Variants in SCN3A observed in about 807,000 individuals in gnomAD.
SCN3A encodes the protein sodium channel protein type 3 subunit alpha.
SCN3A carries 60 observed loss-of-function variants against 187.6 expected under a neutral mutation model. The ratio of observed to expected loss-of-function variants is 0.32; its 90% CI spans 0.26 to 0.40. The LOEUF (loss-of-function observed/expected upper bound fraction) is 0.40, where lower values mean the gene tolerates loss of function less well. Ranked by LOEUF, SCN3A falls within the 10% of genes least tolerant of loss-of-function variation. The pLI is 1.00. For missense variants in SCN3A, 1,601 were observed against 2,428.2 expected (o/e 0.66, Z 7.16); for synonymous variants, 788 against 829.2 (o/e 0.95, Z 0.85).
intron 11 of SCN3A, among the ~76,000 whole-genome samples, chr2:165,147,715 T>C (rs1688440572): frequency 2.0e-5 from 3 of 152,176 alleles, no homozygotes; most frequent in Admixed American, 2.0e-4. Flanking sequence ...TAGCATTACA[T>C]AAATTCATTC....
rs1691265842 is a variant in SCN3A at position 165,186,719 on chromosome 2, T to G, written c.-219A>C. On this transcript the variant is annotated 5_prime_UTR_variant, in exon 2 of 28. Coordinates refer to ENST00000283254, the MANE Select transcript of SCN3A (RefSeq NM_006922.4). ...CATCCCTGTCAAACCTTGATGTGGC[T>G]TGGCTTCAGTTTTCTTGCTCCATAA... 6.6e-6 allele frequency: 1 copy of G among 152,204 alleles called. No individual in the cohort carries two copies. Among genetic ancestry groups the G allele is most frequent in the African/African-American group, 2.4e-5 (1 of 41,452 alleles). The allele number at this position is 152,204 out of a possible 1,614,324, so 9.4% of individuals were successfully genotyped here.
At chr2:165,146,062 A>G (rs1688301578) in intron 12 of SCN3A, among the ~76,000 whole-genome samples, 1 of 152,124 alleles carries the variant, frequency 6.6e-6, no homozygotes, top group African/African-American at 2.4e-5. Context: ...ATCAGAGCAA[A>G]AATAGACTAC....
chr2:165,096,382 T>C, intron 24 of SCN3A, 85 bp downstream of exon 24: 7 of 1,005,174 alleles, frequency 7.0e-6, no homozygotes, highest in Non-Finnish European at 1.1e-5. Context: ...TAATATAGAA[T>C]TTTGGATGTA....
chr2:165,087,591 T>C lies in SCN3A; in HGVS notation c.*2559A>G, dbSNP rs987327575. Reference sequence around the variant, plus strand: ...TACATATTTAGATCCAAATTGTCTTTAAAAATATGCATTACAACTGGAGTT... The same window carrying C: ...TACATATTTAGATCCAAATTGTCTTCAAAAATATGCATTACAACTGGAGTT... On this transcript the variant is annotated 3_prime_UTR_variant, in exon 28 of 28. Coordinates refer to ENST00000283254, the MANE Select transcript of SCN3A (RefSeq NM_006922.4). 2.0e-5 allele frequency: 3 copies of C among 152,148 alleles called. No individual in the cohort carries two copies. Among genetic ancestry groups the C allele is most frequent in the Non-Finnish European group, 4.4e-5 (3 of 68,014 alleles). The allele number at this position is 152,148 out of a possible 1,614,324, so 9.4% of individuals were successfully genotyped here.
At chr2:165,125,519 G>A (rs1021584687) in intron 18 of SCN3A, among the ~76,000 whole-genome samples, 6 of 151,882 alleles carry the variant, frequency 4.0e-5, no homozygotes, top group East Asian at 1.9e-4. Flanking sequence ...GGGTTTCACC[G>A]TACTAGCTAG....
chr2:165,139,526 C>G lies in SCN3A; in HGVS notation c.2102G>C (p.Gly701Ala). The G allele has an allele frequency of 6.2e-7, 1 of 1,613,960 alleles. No homozygotes were observed. The change falls in exon 14 of 28, where the codon GGA becomes GCA. Residue 701 changes from glycine to alanine, a missense_variant. Gly to Ala is a moderately conservative substitution (Grantham distance 60). This residue lies in a region of SCN3A where 376 missense variants were observed against 476.0 expected (regional missense o/e 0.79). Coordinates refer to ENST00000283254, the MANE Select transcript of SCN3A (RefSeq NM_006922.4). ...ISMEMLEDSSGRQRAVSIASI... is the reference protein window; with the variant it reads ...ISMEMLEDSSARQRAVSIASI... Reference sequence around the variant, plus strand: ...GGCTATGCTCACGGCTCTTTGCCTTCCAGAGGAATCCTCCAGCATCTCCAT... The same window carrying G: ...GGCTATGCTCACGGCTCTTTGCCTTGCAGAGGAATCCTCCAGCATCTCCAT...
intron 9 of SCN3A, among the ~76,000 whole-genome samples, chr2:165,157,994 G>A (rs139059610): frequency 2.2e-4 from 34 of 152,020 alleles, no homozygotes; most frequent in African/African-American, 7.0e-4. Context: ...AATTTCTGCC[G>A]CAGTCCTAGA....
chr2:165,133,176 T>C (rs1316658849), intron 15 of SCN3A, among the ~76,000 whole-genome samples: 1 of 152,138 alleles, frequency 6.6e-6, no homozygotes, highest in Non-Finnish European at 1.5e-5. Flanking sequence ...ACTTTTACAC[T>C]GTTTGTGGGA....
intron 9 of SCN3A, among the ~76,000 whole-genome samples, chr2:165,159,113 C>T (rs575341548): frequency 7.3e-6 from 1 of 137,920 alleles, no homozygotes. Context: ...GTTGGTATTG[C>T]CAGATACATT....
chr2:165,135,647 A>G (rs1687621834), intron 15 of SCN3A, among the ~76,000 whole-genome samples: 2 of 152,102 alleles, frequency 1.3e-5, no homozygotes, highest in African/African-American at 4.8e-5. Flanking sequence ...CATATGTATT[A>G]CTTTCATATG....
In SCN3A at chr2:165,092,613, C is replaced by A. The variant is rs180993842; in HGVS notation, c.4537-89G>T. 8.1e-6 allele frequency: 10 copies of A among 1,239,312 alleles called. No individual in the cohort carries two copies. Among genetic ancestry groups the A allele is most frequent in the African/African-American group, 3.0e-5 (2 of 66,528 alleles). The allele number at this position is 1,239,312 out of a possible 1,614,324, so 76.8% of individuals were successfully genotyped here. On this transcript the variant is annotated intron_variant, in intron 26 of 27. Coordinates refer to ENST00000283254, the MANE Select transcript of SCN3A (RefSeq NM_006922.4). This position sits in a 1 kb window ranked among gnomAD's most constrained non-coding sequence, Gnocchi z 4.2. ...ATTGTAGATAAAGCCCTTCCACATACGGGATGGATGTGCACCCTCCTCATA... is the reference window on the plus strand; with the variant it reads ...ATTGTAGATAAAGCCCTTCCACATAAGGGATGGATGTGCACCCTCCTCATA...
rs2304711 is a variant in SCN3A, at chr2:165,100,207, A to C, written c.3966+95T>G. On this transcript the variant is annotated intron_variant, in intron 22 of 27. Coordinates refer to ENST00000283254, the MANE Select transcript of SCN3A (RefSeq NM_006922.4). ...TTTGCTCTAATTCTGTAATTCTATG[A>C]AATAAATATCAGAAGAGTATGGCAC... The C allele has an allele frequency of 6.7e-4, 925 of 1,389,504 alleles. 4 individuals carry two copies. In the East Asian group the frequency reaches 0.02, roughly 30 times the overall value. The allele number at this position is 1,389,504 out of a possible 1,614,324, so 86.1% of individuals were successfully genotyped here.
chr2:165,091,912 T>G, intron 27 of SCN3A: 1 of 365,780 alleles, frequency 2.7e-6, no homozygotes, highest in Non-Finnish European at 5.1e-6. Flanking sequence ...TCTTCAGTGC[T>G]TCTTACAATA....
chr2:165,103,073 T>C (rs1294969724), intron 21 of SCN3A, among the ~76,000 whole-genome samples: 2 of 152,240 alleles, frequency 1.3e-5, no homozygotes, highest in Non-Finnish European at 1.5e-5. Context: ...TCATTTTGTA[T>C]AAGGCAAAAC....
At chr2:165,154,140 T>C (rs1300301199) in intron 11 of SCN3A, among the ~76,000 whole-genome samples, 2 of 151,842 alleles carry the variant, frequency 1.3e-5, no homozygotes, top group African/African-American at 2.4e-5. Context: ...ATTGGAAATA[T>C]CAGTTTTATT....
intron 18 of SCN3A, among the ~76,000 whole-genome samples, chr2:165,120,871 GACATATA>G (rs1193852420): frequency 1.3e-5 from 2 of 151,138 alleles, no homozygotes; most frequent in East Asian, 3.9e-4. Flanking sequence ...GGTTTGCCTG[GACATATA>G]TTAAATGTAC....
At chr2:165,132,412 G>A (rs1450637628) in intron 15 of SCN3A, among the ~76,000 whole-genome samples, 2 of 152,090 alleles carry the variant, frequency 1.3e-5, no homozygotes, top group Admixed American at 6.6e-5. Flanking sequence ...AAAACAGCAT[G>A]GTACTTGTAC....
At position 165,203,909 on chromosome 2, in the gene SCN3A, G is replaced by C. The variant is rs1013294923; in HGVS notation, c.-334C>G. The C allele has an allele frequency of 7.8e-6, 1 of 128,422 alleles. No individual in the cohort carries two copies. The highest frequency in any genetic ancestry group is 3.1e-5 in the African/African-American group (1 of 32,538). The allele number at this position is 128,422 out of a possible 1,614,324, so 8.0% of individuals were successfully genotyped here. On this transcript the variant is annotated 5_prime_UTR_variant, in exon 1 of 28. Coordinates refer to ENST00000283254, the MANE Select transcript of SCN3A (RefSeq NM_006922.4). ...GTATAACGTGTCTTCCTCTGCAGCTGTTCAGCTTTTTTTTTTTTTTTTTTT... is the reference window on the plus strand; with the variant it reads ...GTATAACGTGTCTTCCTCTGCAGCTCTTCAGCTTTTTTTTTTTTTTTTTTT...
At chr2:165,166,795 G>A (rs1689786072) in intron 5 of SCN3A, among the ~76,000 whole-genome samples, 1 of 152,208 alleles carries the variant, frequency 6.6e-6, no homozygotes, top group Non-Finnish European at 1.5e-5. Context: ...CCAGCTGAAT[G>A]ATGCAAATCA....
Sources: allele counts gnomAD v4.1 joint callset (sites outside exome capture counted in the v4.1 genomes callset), GRCh38; gene constraint gnomAD v4.1.1; regional missense constraint gnomAD v4.1.1; non-coding constraint Gnocchi (gnomAD v3.1); transcripts MANE v1.5; gene names NCBI Gene and HGNC (gene_info 2026-07-23, HGNC 2026-07-21).